DAB1: variants seen among roughly 807,000 people sequenced by gnomAD.
The protein encoded by DAB1 is disabled homolog 1.
In DAB1, 15 loss-of-function variants were observed where a neutral mutation model predicts 64.6. That is an observed-to-expected ratio of 0.23 (90% CI 0.16 to 0.36). DAB1 has a LOEUF of 0.36. DAB1 is among the 10% of genes least tolerant of loss of function. The pLI is 1.00. For synonymous variants in DAB1, 235 were observed against 251.9 expected (o/e 0.93, Z 0.64); for missense variants, 596 against 706.7 (o/e 0.84, Z 1.78).
intron 1 of DAB1, among the ~76,000 whole-genome samples, chr1:57,857,922 A>T (rs1411092615): frequency 1.3e-5 from 2 of 150,610 alleles, no homozygotes; most frequent in Non-Finnish European, 2.9e-5. Flanking sequence ...TCTTATTTTT[A>T]AAATTTAAAA....
intron 1 of DAB1, among the ~76,000 whole-genome samples, chr1:57,321,079 T>G (rs1182948005): frequency 6.6e-6 from 1 of 152,164 alleles, no homozygotes; most frequent in Non-Finnish European, 1.5e-5. Context: ...ACAAAGGTAA[T>G]GTGTTAAAGG....
At chr1:58,421,749 G>T (rs1219242696) in intron 3 of DAB1, among the ~76,000 whole-genome samples, 2 of 152,220 alleles carry the variant, frequency 1.3e-5, no homozygotes, top group Non-Finnish European at 2.9e-5. Context: ...CAGAGGTGCA[G>T]CTTGAGAGTC....
Position 57,915,629 on chromosome 1 carries a change from T to C in DAB1, n.388-31467A>G, listed in dbSNP as rs560983478. 9.2e-5 allele frequency among the ~76,000 whole-genome samples: 14 copies of C among 152,272 alleles called. No individual in the cohort carries two copies. In the South Asian group the frequency reaches 2.9e-3, roughly 32 times the overall value. ...GAAAGCACTTGATCCCTTGAAGTTA[T>C]TGGGCACCACATTTAGAAAAAGCCC... On this transcript the variant is annotated intron_variant and non_coding_transcript_variant, in intron 5 of 20. Coordinates refer to the DAB1 transcript ENST00000485760.
chr1:57,984,236 GAAAGAAAGAAAGAAAGAAAGAA>G (rs1473302974), intron 5 of DAB1, among the ~76,000 whole-genome samples: 12 of 146,776 alleles, frequency 8.2e-5, no homozygotes, highest in African/African-American at 2.8e-4. Context: ...AAGAAAGAAA[GAAAGAAAGAAAGAAAGAAAGAA>G]AGAAAAAAAA....
intron 3 of DAB1, among the ~76,000 whole-genome samples, chr1:58,369,327 C>G (rs1052345209): frequency 2.6e-5 from 4 of 152,068 alleles, no homozygotes; most frequent in Non-Finnish European, 5.9e-5. Flanking sequence ...TAAGATAATA[C>G]CATTGCTTTA....
chr1:57,611,128 C>CTTTTTTTT (rs5774360), intron 7 of DAB1, among the ~76,000 whole-genome samples: 1 of 111,976 alleles, frequency 8.9e-6, no homozygotes, highest in Admixed American at 9.8e-5. Context: ...CGTGCAGTGG[C>CTTTTTTTT]TTTTTTTTTT....
At chr1:58,428,513 T>C (rs906947642) in intron 3 of DAB1, among the ~76,000 whole-genome samples, 6 of 152,254 alleles carry the variant, frequency 3.9e-5, no homozygotes, top group Admixed American at 3.3e-4. Flanking sequence ...AACTGAATGT[T>C]ATATATAAAC....
In DAB1 at chr1:57,311,522, C is replaced by CCACACACACACACACACA. The variant is rs3042913; in HGVS notation, c.-136-20374_-136-20357dup. Among the ~76,000 whole-genome samples the CCACACACACACACACACA allele has an allele frequency of 3.4e-3, 507 of 150,066 alleles. 2 individuals carry two copies. The highest frequency in any genetic ancestry group is 0.012 in the African/African-American group (493 of 40,954). On this transcript the variant is annotated intron_variant, in intron 1 of 14. Transcript: ENST00000371236. ...GTTCTTCCCCACCTCCTGCCAACCA[C>CCACACACACACACACACA]CACACACACACACACACACCACTTC...
intron 4 of DAB1, among the ~76,000 whole-genome samples, chr1:58,201,949 A>G (rs980239622): frequency 1.1e-4 from 17 of 152,088 alleles, no homozygotes; most frequent in Non-Finnish European, 1.9e-4. Flanking sequence ...GCAACATCCA[A>G]CCTACCTAAT....
At chr1:58,524,673 G>A (rs1176311278) in intron 2 of DAB1, among the ~76,000 whole-genome samples, 2 of 152,158 alleles carry the variant, frequency 1.3e-5, no homozygotes, top group Non-Finnish European at 2.9e-5. Flanking sequence ...GGCAACCACA[G>A]CTGCAGACCT....
Position 57,396,504 on chromosome 1 carries a change from C to T in DAB1, c.-137+27426G>A, listed in dbSNP as rs114047447. Among the ~76,000 whole-genome samples, 1,476 of 152,260 alleles carry T rather than the reference C, an allele frequency of 9.7e-3. 33 individuals are homozygous for T. The highest frequency in any genetic ancestry group is 0.033 in the African/African-American group (1,363 of 41,530). ...CCATCTTGGTAATTTGAATGGCTGA[C>T]GGCAAAAGTAAATTGTGGATTGTTC... On this transcript the variant is annotated intron_variant, in intron 1 of 14. Transcript: ENST00000371236.
chr1:57,456,526 T>C (rs184973289), intron 7 of DAB1, among the ~76,000 whole-genome samples: 5 of 152,234 alleles, frequency 3.3e-5, no homozygotes, highest in African/African-American at 9.6e-5. Context: ...TAAAACAAAG[T>C]TATTAGTAAA....
chr1:57,799,325 T>C (rs1651015635), intron 6 of DAB1, among the ~76,000 whole-genome samples: 1 of 152,180 alleles, frequency 6.6e-6, no homozygotes, highest in African/African-American at 2.4e-5. Context: ...AACAGCCCCT[T>C]CCTTAAGCCT....
intron 3 of DAB1, among the ~76,000 whole-genome samples, chr1:58,428,547 C>A (rs1644841311): frequency 6.6e-6 from 1 of 152,186 alleles, no homozygotes; most frequent in Non-Finnish European, 1.5e-5. Flanking sequence ...CAATTCAAAC[C>A]ATACCACTGA....
intron 5 of DAB1, among the ~76,000 whole-genome samples, chr1:58,082,065 G>A (rs1188147971): frequency 1.3e-5 from 2 of 152,190 alleles, no homozygotes; most frequent in African/African-American, 4.8e-5. Flanking sequence ...GAAAGTAAGA[G>A]AAGCCCAGAG....
rs190096936 is a variant in DAB1, at chr1:58,494,831, C to T, written n.257+11229G>A. Among the ~76,000 whole-genome samples, 1,100 of 152,256 alleles carry T rather than the reference C, an allele frequency of 7.2e-3. 18 individuals are homozygous for T. The highest frequency in any genetic ancestry group is 0.025 in the African/African-American group (1,037 of 41,520). On this transcript the variant is annotated intron_variant and non_coding_transcript_variant, in intron 3 of 20. Coordinates refer to the DAB1 transcript ENST00000485760. ...TTTACACTGTTGGTGGGACTGTAAA[C>T]TAGTTCAAACATTGTGGAAGTCAGT... is the stretch of plus-strand genomic sequence containing the variant.
At chr1:58,436,160 T>C (rs1398508778) in intron 3 of DAB1, among the ~76,000 whole-genome samples, 1 of 152,218 alleles carries the variant, frequency 6.6e-6, no homozygotes, top group Non-Finnish European at 1.5e-5. Context: ...AGTCACTTCA[T>C]TTCTCTGAAT....
At chr1:57,877,490 C>G (rs541553044) in intron 1 of DAB1, among the ~76,000 whole-genome samples, 42 of 152,180 alleles carry the variant, frequency 2.8e-4, no homozygotes, top group Middle Eastern at 3.4e-3. Flanking sequence ...TGAGTCAGTC[C>G]TAGTCCAAAG....
At chr1:58,526,012 A>G (rs959600992) in intron 2 of DAB1, among the ~76,000 whole-genome samples, 6 of 152,098 alleles carry the variant, frequency 3.9e-5, no homozygotes, top group Non-Finnish European at 8.8e-5. Context: ...GAAAAAAAAG[A>G]TGTTGCCCTC....
Sources: gnomAD v4.1 joint callset for allele counts (sites outside exome capture counted in the v4.1 genomes callset) on GRCh38, gnomAD v4.1.1 for gene constraint, MANE v1.5 for transcripts, NCBI Gene and HGNC (gene_info 2026-07-23, HGNC 2026-07-21) for gene names.